Variants in SUGCT observed in about 807,000 individuals in gnomAD.
The protein encoded by SUGCT is succinyl-CoA:glutarate CoA-transferase.
A neutral mutation model predicts 55.0 loss-of-function variants in SUGCT; 41 were observed. The ratio of observed to expected loss-of-function variants is 0.74; its 90% confidence interval spans 0.58 to 0.97. The LOEUF is 0.97. SUGCT is among the 50% of genes least tolerant of loss of function. The pLI is 0.00. For missense variants in SUGCT, 568 were observed against 547.8 expected, an observed-to-expected ratio of 1.04 and a Z score of -0.37; for synonymous variants, 187 against 200.4, an observed-to-expected ratio of 0.93 and a Z score of 0.56.
the SUGCT span, among the ~76,000 whole-genome samples, chr7:40,880,604 A>G: frequency 6.6e-6 from 1 of 152,204 alleles, no homozygotes; most frequent in African/African-American, 2.4e-5. Flanking sequence ...GCCATGTTGA[A>G]TCATAGCTAC....
chr7:40,874,055 A>T, the SUGCT span, among the ~76,000 whole-genome samples: 5 of 152,378 alleles, frequency 3.3e-5, no homozygotes. Context: ...ATTTGGAAAT[A>T]GAAATCTTAA....
chr7:40,828,317 G>T (rs1792455506), intron 13 of SUGCT, among the ~76,000 whole-genome samples: 1 of 152,154 alleles, frequency 6.6e-6, no homozygotes, highest in Non-Finnish European at 1.5e-5. Context: ...CCAGTTGGGG[G>T]CTATAGGGCA....
intron 9 of SUGCT, among the ~76,000 whole-genome samples, chr7:40,390,904 CA>C (rs1392308147): frequency 6.6e-6 from 1 of 152,144 alleles, no homozygotes; most frequent in Non-Finnish European, 1.5e-5. Flanking sequence ...CTACAGTAAC[CA>C]AAACAGCATG....
intron 13 of SUGCT, among the ~76,000 whole-genome samples, chr7:40,776,666 C>T (rs1215958085): frequency 6.6e-6 from 1 of 152,212 alleles, no homozygotes; most frequent in African/African-American, 2.4e-5. Flanking sequence ...AGCTGAATCT[C>T]TTTGTGCTCT....
intron 9 of SUGCT, among the ~76,000 whole-genome samples, chr7:40,408,303 A>G (rs1786489794): frequency 6.6e-6 from 1 of 152,148 alleles, no homozygotes; most frequent in African/African-American, 2.4e-5. Flanking sequence ...AATTTAGGAA[A>G]CCTAGTCCTT....
chr7:40,668,558 G>A (rs527672815), intron 12 of SUGCT, among the ~76,000 whole-genome samples: 86 of 152,124 alleles, frequency 5.7e-4, no homozygotes, highest in African/African-American at 2.0e-3. Flanking sequence ...AAGTAAAAAC[G>A]AAAACTCTAG....
chr7:40,592,835 C>G (rs559594844), intron 12 of SUGCT, among the ~76,000 whole-genome samples: 1 of 152,178 alleles, frequency 6.6e-6, no homozygotes, highest in Non-Finnish European at 1.5e-5. Flanking sequence ...TTGCTGTTTC[C>G]CATCTCTAGG....
chr7:40,571,826 G>A (rs1796467360), intron 12 of SUGCT, among the ~76,000 whole-genome samples: 1 of 152,224 alleles, frequency 6.6e-6, no homozygotes, highest in South Asian at 2.1e-4. Flanking sequence ...GTAGGAATGT[G>A]TAAAATGATG....
chr7:40,909,905 T>C, the SUGCT span, among the ~76,000 whole-genome samples: 2 of 152,118 alleles, frequency 1.3e-5, no homozygotes, highest in Non-Finnish European at 2.9e-5. Flanking sequence ...AGACAGGGCC[T>C]CACCCAAGGG....
intron 7 of SUGCT, 113 bp downstream of exon 7, chr7:40,237,839 A>G (rs946640018): frequency 4.4e-5 from 34 of 771,924 alleles, no homozygotes; most frequent in Non-Finnish European, 6.5e-5. Flanking sequence ...GGCAAAAGTA[A>G]TTGCTGTTTT....
At chr7:40,313,627 G>GTTTGTT (rs1014091444) in intron 8 of SUGCT, among the ~76,000 whole-genome samples, 1 of 135,042 alleles carries the variant, frequency 7.4e-6, no homozygotes, top group East Asian at 1.9e-4. Flanking sequence ...TTTTTTGTTT[G>GTTTGTT]TTTGTTTTTG....
At chr7:40,909,136 G>A in the SUGCT span, among the ~76,000 whole-genome samples, 1 of 152,150 alleles carries the variant, frequency 6.6e-6, no homozygotes, top group African/African-American at 2.4e-5. Flanking sequence ...AAGTAAAAGA[G>A]AGTGGAGACC....
At chr7:40,814,039 C>T (rs1423882431) in intron 13 of SUGCT, among the ~76,000 whole-genome samples, 2 of 152,132 alleles carry the variant, frequency 1.3e-5, no homozygotes, top group African/African-American at 4.8e-5. Context: ...TGAAAATAGG[C>T]CCCCAATCTC....
intron 12 of SUGCT, among the ~76,000 whole-genome samples, chr7:40,702,431 A>C (rs1217946941): frequency 6.6e-6 from 1 of 152,228 alleles, no homozygotes; most frequent in Non-Finnish European, 1.5e-5. Context: ...CAAAGTCAAG[A>C]AAACCAAGTT....
chr7:40,545,339 T>C (rs1307132015), intron 12 of SUGCT, among the ~76,000 whole-genome samples: 1 of 152,218 alleles, frequency 6.6e-6, no homozygotes, highest in Non-Finnish European at 1.5e-5. Flanking sequence ...GATAGAAATG[T>C]TGAGCCTTCC....
intron 9 of SUGCT, among the ~76,000 whole-genome samples, chr7:40,402,501 A>T (rs1032136714): frequency 6.6e-6 from 1 of 152,074 alleles, no homozygotes; most frequent in African/African-American, 2.4e-5. Flanking sequence ...ATGGGGGAAA[A>T]TTTATTATTA....
intron 12 of SUGCT, among the ~76,000 whole-genome samples, chr7:40,514,289 T>A (rs1486268225): frequency 6.6e-6 from 1 of 152,136 alleles, no homozygotes; most frequent in African/African-American, 2.4e-5. Flanking sequence ...AGATTCAGAC[T>A]TCATTTATTA....
At chr7:40,975,953 C>CCA in the SUGCT span, among the ~76,000 whole-genome samples, 37 of 152,306 alleles carry the variant, frequency 2.4e-4, no homozygotes, top group South Asian at 1.0e-3. Flanking sequence ...CCTGCCTTAA[C>CCA]TAAGCTCCAT....
At chr7:40,637,553 C>T (rs1416449808) in intron 12 of SUGCT, among the ~76,000 whole-genome samples, 1 of 152,176 alleles carries the variant, frequency 6.6e-6, no homozygotes, top group Non-Finnish European at 1.5e-5. Flanking sequence ...ACATCAGATC[C>T]TAGTCAGCAA....
Sources: gnomAD v4.1 joint callset for allele counts (sites outside exome capture counted in the v4.1 genomes callset) on GRCh38, gnomAD v4.1.1 for gene constraint, MANE v1.5 for transcripts, NCBI Gene and HGNC (gene_info 2026-07-23, HGNC 2026-07-21) for gene names.